MORN1: variants seen among roughly 807,000 people sequenced by gnomAD.
MORN1 encodes the protein MORN repeat-containing protein 1.
Under a neutral mutation model 61.9 loss-of-function variants are expected in MORN1, and 67 were observed. The ratio of observed to expected loss-of-function variants is 1.08; its 90% CI spans 0.89 to 1.33. MORN1 has a LOEUF of 1.33. MORN1 is among the 40% of genes most tolerant of loss of function. MORN1 has a pLI of 0.00. For missense variants in MORN1, 752 were observed against 691.2 expected, an observed-to-expected ratio of 1.09 and a Z score of -0.99; for synonymous variants, 301 against 292.0, an observed-to-expected ratio of 1.03 and a Z score of -0.31.
At chr1:2,385,393 T>C (rs1472341577) in intron 5 of MORN1, 1 of 430,320 alleles carries the variant, frequency 2.3e-6, no homozygotes, top group Non-Finnish European at 4.2e-6. Context: ...GACTCCGCCG[T>C]GGGAATTTCC....
intron 8 of MORN1, chr1:2,363,441 A>G (rs1451488910): frequency 1.3e-5 from 2 of 152,246 alleles, no homozygotes; most frequent in East Asian, 3.9e-4. Context: ...CTCAAATAAC[A>G]AAACAAAGAG....
intron 13 of MORN1, 112 bp downstream of exon 13, chr1:2,323,985 C>T (rs908414725): frequency 6.8e-7 from 1 of 1,464,492 alleles, no homozygotes. Context: ...TGCCACCTAC[C>T]TCTGGGGGCC....
chr1:2,371,340 T>A (rs1440323103), intron 8 of MORN1: 1 of 152,204 alleles, frequency 6.6e-6, no homozygotes, highest in Non-Finnish European at 1.5e-5. Context: ...ACTGATAGTC[T>A]AATTTTTAAA....
At chr1:2,383,009 T>G (rs1276414864) in intron 6 of MORN1, among the ~76,000 whole-genome samples, 2 of 152,116 alleles carry the variant, frequency 1.3e-5, no homozygotes, top group Non-Finnish European at 2.9e-5. Context: ...TGACCACCTC[T>G]GAGGCCCTGC....
At chr1:2,343,038 C>A (rs1043802261) in intron 10 of MORN1, among the ~76,000 whole-genome samples, 2 of 152,080 alleles carry the variant, frequency 1.3e-5, no homozygotes, top group Admixed American at 1.3e-4. Flanking sequence ...CGCCAGCTCC[C>A]CTGCCTTTCC....
rs1641302775 is a variant in MORN1, at chr1:2,337,328, C to G, written c.1037-478G>C. Among the ~76,000 whole-genome samples the G allele has an allele frequency of 6.6e-6, 1 of 152,182 alleles. No homozygotes were observed. Among genetic ancestry groups the G allele is most frequent in the Non-Finnish European group, 1.5e-5 (1 of 68,018 alleles). On this transcript the variant is annotated intron_variant, in intron 10 of 13. Coordinates refer to ENST00000378531, the MANE Select transcript of MORN1 (RefSeq NM_024848.3). The surrounding 1 kb of genome is among the most constrained non-coding windows in gnomAD (Gnocchi z 5.7). ...TGGACCTGGCGTCAGGACCCGTTCT[C>G]CACAGGCGTGGAGGGAGACACCGAG...
chr1:2,325,156 C>T (rs1640990023), intron 12 of MORN1, among the ~76,000 whole-genome samples: 1 of 135,708 alleles, frequency 7.4e-6, no homozygotes, highest in African/African-American at 2.8e-5. Context: ...CCCTTCCTTC[C>T]CTCCCTTCCT....
At chr1:2,322,908 G>A (rs1027154255) in intron 13 of MORN1, 23 of 985,314 alleles carry the variant, frequency 2.3e-5, no homozygotes, top group East Asian at 1.1e-4. Context: ...GCGGCAGGCC[G>A]GGCCTCGACG....
chr1:2,322,473 G>A, intron 13 of MORN1: 1 of 985,402 alleles, frequency 1.0e-6, no homozygotes, highest in Non-Finnish European at 1.2e-6. Flanking sequence ...CACGGGCTCG[G>A]CCGCCTGTGC....
chr1:2,390,561 C>G, intron 1 of MORN1: 2 of 985,396 alleles, frequency 2.0e-6, no homozygotes, highest in Non-Finnish European at 2.4e-6. Flanking sequence ...TCCCTCCCTA[C>G]CAGCTCCTCA....
chr1:2,379,522 T>C (rs1642323998), intron 6 of MORN1, among the ~76,000 whole-genome samples: 2 of 151,992 alleles, frequency 1.3e-5, no homozygotes, highest in African/African-American at 4.8e-5. Context: ...CCACAAAGCC[T>C]GGCAGCACCA....
At chr1:2,384,362 G>A (rs554449552) in intron 6 of MORN1, among the ~76,000 whole-genome samples, 33 of 152,316 alleles carry the variant, frequency 2.2e-4, no homozygotes, top group Admixed American at 2.0e-3. Context: ...CCATTCGCCC[G>A]AGAACAATCC....
At chr1:2,341,354 GCCC>G (rs372532545) in intron 10 of MORN1, among the ~76,000 whole-genome samples, 1 of 152,060 alleles carries the variant, frequency 6.6e-6, no homozygotes, top group African/African-American at 2.4e-5. Context: ...CCCTGCTCAT[GCCC>G]CCGTCTGCAA....
At position 2,331,449 on chromosome 1, in the gene MORN1, C is replaced by T. The variant is rs373284936; in HGVS notation, c.1250+5020G>A. ...TGGGGGTGCCCTGGCAGGCGGATGC[C>T]GGGCCTCAGCCTCTGGCTGTGTCTG... is the stretch of plus-strand genomic sequence containing the variant. On this transcript the variant is annotated intron_variant, in intron 12 of 13. Coordinates refer to ENST00000378531, the MANE Select transcript of MORN1 (RefSeq NM_024848.3). Among the ~76,000 whole-genome samples, 444 of 152,302 alleles carry T rather than the reference C, an allele frequency of 2.9e-3. 1 individual carries two copies. Among genetic ancestry groups the T allele is most frequent in the African/African-American group, 0.01 (421 of 41,562 alleles).
rs1322894274 is a variant in MORN1 at position 2,358,678 on chromosome 1, G to A, written c.783C>T (p.Val261=). 6.2e-7 allele frequency: 1 copy of A among 1,613,546 alleles called. No homozygotes were observed. Among genetic ancestry groups the A allele is most frequent in the Non-Finnish European group, 8.5e-7 (1 of 1,179,818 alleles). ...SGRVLQISAG[V]RYVQLSAYSE... ...AGTAGGCTGACAGCTGCACGTATCTGACGCCCGCTGAGATCTGCAGGACCC... is the reference window on the plus strand; with the variant it reads ...AGTAGGCTGACAGCTGCACGTATCTAACGCCCGCTGAGATCTGCAGGACCC... Residue 261 remains valine, a synonymous_variant, in exon 9 of 14, where the codon GTC becomes GTT. Coordinates refer to ENST00000378531, the MANE Select transcript of MORN1 (RefSeq NM_024848.3).
At chr1:2,327,299 CAG>C (rs1464395710) in intron 12 of MORN1, among the ~76,000 whole-genome samples, 1 of 151,018 alleles carries the variant, frequency 6.6e-6, no homozygotes, top group African/African-American at 2.4e-5. Context: ...CACAGAAACA[CAG>C]AAACAAACAC....
chr1:2,390,658 G>T, intron 1 of MORN1: 1 of 985,400 alleles, frequency 1.0e-6, no homozygotes, highest in Non-Finnish European at 1.2e-6. Context: ...TCCCAAATCA[G>T]GGTCAGGTTC....
intron 6 of MORN1, among the ~76,000 whole-genome samples, chr1:2,381,344 C>G (rs77454251): frequency 0.066 from 9,999 of 152,308 alleles, 451 homozygotes; most frequent in South Asian, 0.23. Flanking sequence ...GCTGGAGGAG[C>G]AGGCAGCTCA....
intron 10 of MORN1, chr1:2,351,030 G>C (rs1421277468): frequency 6.5e-6 from 1 of 152,674 alleles, no homozygotes; most frequent in Admixed American, 6.5e-5. Context: ...TTGTGTTTGT[G>C]GCAGGTGGAG....
Sources: gnomAD v4.1 joint callset for allele counts (sites outside exome capture counted in the v4.1 genomes callset) on GRCh38, gnomAD v4.1.1 for gene constraint, Gnocchi (gnomAD v3.1) non-coding constraint, MANE v1.5 for transcripts, NCBI Gene and HGNC (gene_info 2026-07-23, HGNC 2026-07-21) for gene names.